The following MX2 variants were observed in gnomAD, a reference collection of about 807,000 sequenced individuals.
MX2 encodes the protein MX dynamin like GTPase 2.
In MX2, 51 loss-of-function variants were observed where a neutral mutation model predicts 74.0. The observed-to-expected ratio is 0.69, with a 90% CI of 0.55 to 0.87. MX2 has a LOEUF of 0.87. Among genes scored for constraint, MX2 ranks in the 40% least tolerant of loss-of-function variants. The pLI is 0.00. For synonymous variants in MX2, 369 were observed against 339.3 expected, an observed-to-expected ratio of 1.09 and a Z score of -0.96; for missense variants, 832 against 908.7, an observed-to-expected ratio of 0.92 and a Z score of 1.09.
chr21:41,395,461 G>T, intron 6 of MX2, 126 bp from the exon 7 acceptor site: 1 of 731,006 alleles, frequency 1.4e-6, no homozygotes, highest in South Asian at 1.8e-5. Flanking sequence ...GATGGAATGA[G>T]GCACTGGAGG....
At chr21:41,401,700 C>A in intron 10 of MX2, 2 of 226,126 alleles carry the variant, frequency 8.8e-6, no homozygotes, top group Non-Finnish European at 1.6e-5. Flanking sequence ...TTTTTTTTTC[C>A]TACCAGTTAG....
At chr21:41,364,248 G>C in intron 1 of MX2, 1 of 152,304 alleles carries the variant, frequency 6.6e-6, no homozygotes, top group Non-Finnish European at 1.5e-5. Flanking sequence ...CGCCTGGAAA[G>C]AGGGATTTCT....
chr21:41,398,875 T>C (rs747835871), intron 8 of MX2, 22 bp from the exon 9 acceptor site: 1 of 1,607,020 alleles, frequency 6.2e-7, no homozygotes, highest in South Asian at 1.1e-5. Flanking sequence ...GCAGTTTGAT[T>C]GTTTGCAATT....
intron 9 of MX2, 40 bp from the exon 10 acceptor site, chr21:41,399,156 A>G: frequency 6.2e-7 from 1 of 1,606,516 alleles, no homozygotes; most frequent in Non-Finnish European, 8.5e-7. Context: ...GTTCTTTCAT[A>G]TGATTTCCGC....
At chr21:41,395,408 G>A (rs76536627) in intron 6 of MX2, among the ~76,000 whole-genome samples, 179 bp from the exon 7 acceptor site, 2,126 of 152,248 alleles carry the variant, frequency 0.014, 47 homozygotes, top group African/African-American at 0.047. Flanking sequence ...GTGAGATAGC[G>A]AGCCAATAGA....
In MX2 at chr21:41,377,914, G is replaced by A; in HGVS notation, c.375G>A (p.Gly125=). Residue 125 remains glycine, a synonymous_variant, in exon 3 of 14, where the codon GGG becomes GGA. Transcript: ENST00000330714. The stretch of plus-strand genomic sequence containing the variant: ...CCCTGCCAGCCATCGCCGTCATCGG[G>A]GACCAGAGCTCGGGCAAGAGCTCTG... The part of the protein sequence containing the change: ...DLALPAIAVI[G]DQSSGKSSVL... 1 of 1,614,220 alleles carries A rather than the reference G, an allele frequency of 6.2e-7. No individual in the cohort carries two copies. Among genetic ancestry groups the A allele is most frequent in the Admixed American group, 1.7e-5 (1 of 60,032 alleles).
At chr21:41,372,692 T>C (rs1479066219) in intron 1 of MX2, among the ~76,000 whole-genome samples, 2 of 152,224 alleles carry the variant, frequency 1.3e-5, no homozygotes, top group East Asian at 1.9e-4. Context: ...ATCACAGATA[T>C]CATAAATCCT....
intron 12 of MX2, among the ~76,000 whole-genome samples, chr21:41,405,502 G>A (rs551872707): frequency 2.6e-4 from 39 of 152,020 alleles, no homozygotes; most frequent in African/African-American, 4.1e-4. Context: ...TGGAAAGAGC[G>A]CTCTCTGGGG....
rs775187818 is a variant in MX2, at chr21:41,397,653, G to A, written c.1111G>A (p.Ala371Thr). The A allele has an allele frequency of 1.2e-6, 2 of 1,613,976 alleles. No individual in the cohort carries two copies. The highest frequency in any genetic ancestry group is 8.5e-7 in the Non-Finnish European group (1 of 1,179,994). ...GGGGTCAGCCACGGTTCCCCGACTG[G>A]CAGAAAGACTTACCACTGAACTCAT... ...EEGSATVPRL[A>T]ERLTTELIMH... Residue 371 changes from alanine to threonine, a missense_variant, in exon 8 of 14, where the codon GCA becomes ACA. By Grantham distance (58) the Ala-to-Thr change is moderately conservative. Transcript: ENST00000330714.
chr21:41,406,560 C>A (rs928581903), intron 12 of MX2, among the ~76,000 whole-genome samples, 184 bp from the exon 13 acceptor site: 2 of 152,128 alleles, frequency 1.3e-5, no homozygotes, highest in African/African-American at 4.8e-5. Flanking sequence ...GTGAGGAAAC[C>A]GGGTTCATAA....
At chr21:41,389,242 C>T (rs1239511904) in intron 5 of MX2, among the ~76,000 whole-genome samples, 1 of 151,718 alleles carries the variant, frequency 6.6e-6, no homozygotes, top group Non-Finnish European at 1.5e-5. Context: ...AGGCCAGGTG[C>T]TGTGGCTCAT....
intron 5 of MX2, among the ~76,000 whole-genome samples, chr21:41,384,000 G>C (rs911018320): frequency 1.3e-5 from 2 of 152,140 alleles, no homozygotes; most frequent in African/African-American, 4.8e-5. Flanking sequence ...GGTGGGAGGT[G>C]ATAGGATCAT....
intron 4 of MX2, among the ~76,000 whole-genome samples, chr21:41,381,495 C>A (rs1476470396): frequency 6.6e-6 from 1 of 152,196 alleles, no homozygotes; most frequent in South Asian, 2.1e-4. Flanking sequence ...ACCATCCTGG[C>A]TAACATGGTG....
chr21:41,382,833 G>A (rs1255320372), intron 5 of MX2, among the ~76,000 whole-genome samples: 1 of 152,240 alleles, frequency 6.6e-6, no homozygotes, highest in Admixed American at 6.5e-5. Context: ...AACCCGGTGT[G>A]ATCAGTTGTG....
At chr21:41,393,029 C>G (rs2089681420) in intron 6 of MX2, among the ~76,000 whole-genome samples, 1 of 146,202 alleles carries the variant, frequency 6.8e-6, no homozygotes, top group Admixed American at 7.0e-5. Context: ...TCGCTTGAAC[C>G]TGAGACGAAG....
At chr21:41,385,095 G>T (rs187177902) in intron 5 of MX2, among the ~76,000 whole-genome samples, 1 of 152,280 alleles carries the variant, frequency 6.6e-6, no homozygotes, top group Admixed American at 6.5e-5. Context: ...TATCATCCAT[G>T]TGTTTACTGG....
At chr21:41,382,007 C>A (rs1391315253) in intron 4 of MX2, among the ~76,000 whole-genome samples, 1 of 152,170 alleles carries the variant, frequency 6.6e-6, no homozygotes, top group Non-Finnish European at 1.5e-5. Context: ...TGCATGTATT[C>A]ATTAGAAACA....
chr21:41,396,189 G>A lies in MX2; in HGVS notation c.1070+404G>A, dbSNP rs146580524. On this transcript the variant is annotated intron_variant, in intron 7 of 13. Coordinates refer to ENST00000330714, the MANE Select transcript of MX2 (RefSeq NM_002463.2). The stretch of plus-strand genomic sequence containing the variant: ...CAGAGCACCTAACTTCCAGAAACCC[G>A]TGTGTACCACCGTAAACGGCACACA... Among the ~76,000 whole-genome samples the A allele has an allele frequency of 3.4e-3, 524 of 152,290 alleles. 3 individuals are homozygous for A. Among genetic ancestry groups the A allele is most frequent in the Non-Finnish European group, 5.2e-3 (353 of 68,032 alleles).
intron 5 of MX2, among the ~76,000 whole-genome samples, chr21:41,385,345 C>T (rs2089557102): frequency 6.6e-6 from 1 of 152,234 alleles, no homozygotes; most frequent in South Asian, 2.1e-4. Flanking sequence ...CCATAATCCC[C>T]ACGTGTCGTG....
Sources: gnomAD v4.1 joint callset for allele counts (sites outside exome capture counted in the v4.1 genomes callset) on GRCh38, gnomAD v4.1.1 for gene constraint, MANE v1.5 for transcripts, NCBI Gene and HGNC (gene_info 2026-07-23, HGNC 2026-07-21) for gene names.